Variants in AEN observed in about 807,000 individuals in gnomAD.
AEN encodes the protein apoptosis-enhancing nuclease.
In AEN, 21 loss-of-function variants were observed where a neutral mutation model predicts 17.7. The observed-to-expected ratio is 1.19, with a 90% CI of 0.84 to 1.71. AEN has a LOEUF of 1.71. AEN is among the 40% of genes most tolerant of loss of function. AEN has a pLI of 0.00. For synonymous variants in AEN, 190 were observed against 173.0 expected (o/e 1.10, Z -0.77); for missense variants, 462 against 435.9 (o/e 1.06, Z -0.53).
chr15:88,627,011 T>A, intron 2 of AEN: 1 of 450,198 alleles, frequency 2.2e-6, no homozygotes, highest in Non-Finnish European at 4.0e-6. Context: ...ATAGCTTACA[T>A]TTTAGAGTTT....
intron 2 of AEN, chr15:88,627,459 C>CTTCTTTTTT (rs1555437555): frequency 7.1e-6 from 1 of 141,126 alleles, no homozygotes; most frequent in Non-Finnish European, 1.5e-5. Flanking sequence ...CATCTTGTTT[C>CTTCTTTTTT]TTTTTTTTTT....
upstream of AEN, among the ~76,000 whole-genome samples, chr15:88,619,520 T>C (rs1486101086): frequency 6.6e-6 from 1 of 152,070 alleles, no homozygotes; most frequent in African/African-American, 2.4e-5. Flanking sequence ...AAACCCCATC[T>C]CTACTAAAAA....
upstream of AEN, among the ~76,000 whole-genome samples, chr15:88,619,007 T>C (rs1485866835): frequency 1.3e-5 from 2 of 152,146 alleles, no homozygotes; most frequent in Admixed American, 1.3e-4. Flanking sequence ...ATGTTGCCCA[T>C]GCTGGTCTCA....
At chr15:88,623,428 C>G (rs1013287152) in intron 1 of AEN, among the ~76,000 whole-genome samples, 1 of 152,174 alleles carries the variant, frequency 6.6e-6, no homozygotes, top group Non-Finnish European at 1.5e-5. Flanking sequence ...CTCTTAATCT[C>G]TGCTGCTACT....
the AEN span, chr15:88,604,840 G>A: frequency 2.0e-5 from 3 of 152,418 alleles, no homozygotes; most frequent in African/African-American, 4.8e-5. The surrounding 1 kb of genome is among the most constrained non-coding windows in gnomAD (Gnocchi z 8.1). Flanking sequence ...CTTGCACTGC[G>A]GCTCCTGGGG....
At chr15:88,625,410 C>T (rs929462311) in intron 1 of AEN, among the ~76,000 whole-genome samples, 3 of 152,044 alleles carry the variant, frequency 2.0e-5, no homozygotes, top group African/African-American at 7.2e-5. Flanking sequence ...CCCAGCTACC[C>T]AGGAGGCTGA....
rs1190508838 is a variant in AEN at position 88,630,279 on chromosome 15, G to A, written c.963G>A (p.Gln321=). 1.9e-6 allele frequency: 3 copies of A among 1,583,026 alleles called. No individual in the cohort carries two copies. The East Asian group carries it at 6.9e-5, about 36-fold the overall frequency. ...GCAGAGGAGGAGCCAGGGAGGCACA[G>A]GACAGAAGGAATTGAGAAGGGGGCG... ...HGSRGGAREA[Q]DRRN is the part of the protein sequence containing the mutation. The change falls in exon 4 of 4, where the codon CAG becomes CAA. Residue 321 remains glutamine (Q), a synonymous_variant. Transcript: ENST00000332810. This position sits in a 1 kb window ranked among gnomAD's most constrained non-coding sequence, Gnocchi z 5.1.
the AEN span, among the ~76,000 whole-genome samples, chr15:88,612,423 G>T: frequency 1.3e-5 from 2 of 152,126 alleles, no homozygotes; most frequent in African/African-American, 2.4e-5. Context: ...GGACTTGTGT[G>T]TATGGAATTT....
rs1447221492 is a variant in AEN, at chr15:88,626,409, C to A, written c.200C>A (p.Pro67His). The A allele has an allele frequency of 5.6e-6, 9 of 1,612,754 alleles. No homozygotes were observed. Among genetic ancestry groups the A allele is most frequent in the Non-Finnish European group, 7.6e-6 (9 of 1,179,592 alleles). The change falls in exon 2 of 4, where the codon CCT becomes CAT. Residue 67 changes from proline (P) to histidine (H), a missense_variant. Transcript: ENST00000332810. ...PEPGSSPLPTPFGAATATEAA... is the reference protein window; with the variant it reads ...PEPGSSPLPTHFGAATATEAA... ...CCAGGGTCCTCCCCACTGCCCACCC[C>A]TTTCGGGGCAGCGACAGCAACTGAA...
chr15:88,606,288 G>A, the AEN span, among the ~76,000 whole-genome samples: 2 of 152,118 alleles, frequency 1.3e-5, no homozygotes, highest in Non-Finnish European at 2.9e-5. Context: ...AGGAGTGAGT[G>A]AAAGGGAAAG....
At chr15:88,611,827 G>A in the AEN span, 15 of 517,928 alleles carry the variant, frequency 2.9e-5, no homozygotes, top group Non-Finnish European at 4.7e-5. Flanking sequence ...GAACTGGCCT[G>A]GATACAGAGT....
Position 88,631,007 on chromosome 15 carries a change from A to G in AEN, c.*713A>G. The G allele has an allele frequency of 2.5e-6, 1 of 403,888 alleles. No individual in the cohort carries two copies. The highest frequency in any genetic ancestry group is 5.2e-6 in the Non-Finnish European group (1 of 193,334). 25.0% of individuals were successfully genotyped at this position (403,888 alleles called of 1,614,324 possible). On this transcript the variant is annotated 3_prime_UTR_variant, in exon 4 of 4. Coordinates refer to ENST00000332810, the MANE Select transcript of AEN (RefSeq NM_022767.4). ...GCTCCTTAACATTTCTTGGCAACAG[A>G]AAGCCCCAGGCACAGCTCAGGGAGG...
the AEN span, among the ~76,000 whole-genome samples, chr15:88,615,030 A>G: frequency 1.3e-5 from 2 of 150,540 alleles, no homozygotes; most frequent in African/African-American, 4.9e-5. Flanking sequence ...CGCCCGGCCA[A>G]ATTTTTTTGT....
chr15:88,626,650 C>G lies in AEN; in HGVS notation c.441C>G (p.Ile147Met). The change falls in exon 2 of 4, where the codon ATC becomes ATG. Residue 147 changes from isoleucine to methionine, a missense_variant. By Grantham distance (10) the Ile-to-Met change is conservative. Transcript: ENST00000332810. Reference sequence around the variant, plus strand: ...GCAATGTCCTCTATGACAAGTACATCAGGCCTGAGATGCCCATCGCTGACT... The same window carrying G: ...GCAATGTCCTCTATGACAAGTACATGAGGCCTGAGATGCCCATCGCTGACT... The part of the protein sequence containing the change: ...YHGNVLYDKY[I>M]RPEMPIADYR... The G allele has an allele frequency of 5.0e-6, 8 of 1,613,984 alleles. No homozygotes were observed. Among genetic ancestry groups the G allele is most frequent in the Non-Finnish European group, 6.8e-6 (8 of 1,180,014 alleles).
chr15:88,619,937 C>T (rs2057768259), upstream of AEN, among the ~76,000 whole-genome samples: 1 of 152,000 alleles, frequency 6.6e-6, no homozygotes, highest in African/African-American at 2.4e-5. Flanking sequence ...TTTCTCCAGT[C>T]CTCATCCATT....
At chr15:88,610,128 G>T in the AEN span, among the ~76,000 whole-genome samples, 1 of 152,224 alleles carries the variant, frequency 6.6e-6, no homozygotes, top group African/African-American at 2.4e-5. Flanking sequence ...TTATTTGCCA[G>T]GTCCCTAAGA....
upstream of AEN, among the ~76,000 whole-genome samples, chr15:88,619,407 T>C (rs1348887493): frequency 6.6e-6 from 1 of 152,158 alleles, no homozygotes; most frequent in Non-Finnish European, 1.5e-5. Flanking sequence ...AAACTCTCCT[T>C]GGTTGGGTGT....
intron 2 of AEN, chr15:88,628,660 C>T (rs2350270): frequency 0.59 from 90,239 of 152,520 alleles, 29,786 homozygotes; most frequent in East Asian, 0.78. Flanking sequence ...TGACTTCACC[C>T]AGCTGGTCTT....
chr15:88,626,728 C>T lies in AEN; in HGVS notation c.519C>T (p.Pro173=), dbSNP rs1331606062. 1 of 1,610,348 alleles carries T rather than the reference C, an allele frequency of 6.2e-7. No individual in the cohort carries two copies. Among genetic ancestry groups the T allele is most frequent in the Non-Finnish European group, 8.5e-7 (1 of 1,179,898 alleles). ...GGCAGCACATGCGCAAGGCTGTCCC[C>T]TTCCAGGTGGCCCAGAAAGAGGTAA... ...ITRQHMRKAV[P]FQVAQKEILK... is the part of the protein sequence containing the mutation. Residue 173 remains proline (P), a synonymous_variant, in exon 2 of 4, where the codon CCC becomes CCT. Transcript: ENST00000332810.
Sources: allele counts gnomAD v4.1 joint callset (sites outside exome capture counted in the v4.1 genomes callset), GRCh38; gene constraint gnomAD v4.1.1; non-coding constraint Gnocchi (gnomAD v3.1); transcripts MANE v1.5; gene names NCBI Gene and HGNC (gene_info 2026-07-23, HGNC 2026-07-21).